The following SAMSN1 variants were observed in gnomAD, a reference collection of about 807,000 sequenced individuals.
SAMSN1 encodes SAM domain, SH3 domain and nuclear localization signals 1.
Under a neutral mutation model 42.0 loss-of-function variants are expected in SAMSN1, and 31 were observed. That is an observed-to-expected ratio of 0.74 (90% CI 0.55 to 1.00). The LOEUF (loss-of-function observed/expected upper bound fraction) is 1.00, where lower values mean the gene tolerates loss of function less well. Ranked by LOEUF, SAMSN1 falls within the 50% of genes least tolerant of loss-of-function variation. The pLI is 0.00. For missense variants in SAMSN1, 464 were observed against 439.4 expected, an observed-to-expected ratio of 1.06 and a Z score of -0.50; for synonymous variants, 178 against 151.9, an observed-to-expected ratio of 1.17 and a Z score of -1.26.
At chr21:14,576,964 A>G (rs909690242) in intron 2 of SAMSN1, among the ~76,000 whole-genome samples, 4 of 150,424 alleles carry the variant, frequency 2.7e-5, no homozygotes, top group African/African-American at 9.8e-5. Flanking sequence ...TTCACACTAT[A>G]TAAAATGGGT....
intron 5 of SAMSN1, among the ~76,000 whole-genome samples, chr21:14,502,711 C>T (rs1004574292): frequency 3.3e-5 from 5 of 152,038 alleles, no homozygotes; most frequent in African/African-American, 1.2e-4. Flanking sequence ...TTATGGGTAC[C>T]CTTTCCCCAA....
intron 1 of SAMSN1, among the ~76,000 whole-genome samples, chr21:14,654,702 G>A (rs1188103348): frequency 1.3e-5 from 2 of 151,952 alleles, no homozygotes; most frequent in Non-Finnish European, 2.9e-5. Flanking sequence ...GCTACCAATA[G>A]TTCAGTGTCT....
intron 7 of SAMSN1, among the ~76,000 whole-genome samples, chr21:14,488,382 T>C (rs1381138652): frequency 1.3e-5 from 2 of 152,178 alleles, no homozygotes; most frequent in Non-Finnish European, 2.9e-5. Flanking sequence ...CTCTGTTCTA[T>C]TTAGGTTGAT....
At chr21:14,490,328 T>C (rs1054849626) in intron 7 of SAMSN1, among the ~76,000 whole-genome samples, 1 of 152,180 alleles carries the variant, frequency 6.6e-6, no homozygotes, top group African/African-American at 2.4e-5. Flanking sequence ...ACCTCTCAGC[T>C]CCATCAATCA....
intron 1 of SAMSN1, among the ~76,000 whole-genome samples, chr21:14,529,319 G>C (rs1010692110): frequency 6.6e-6 from 1 of 152,186 alleles, no homozygotes; most frequent in Admixed American, 6.5e-5. Flanking sequence ...ATTACATGCT[G>C]TATCTCCAAT....
chr21:14,648,421 G>A (rs1401454902), intron 1 of SAMSN1, among the ~76,000 whole-genome samples: 2 of 152,096 alleles, frequency 1.3e-5, no homozygotes, highest in Non-Finnish European at 2.9e-5. Context: ...TGACAAATGG[G>A]ATCTAATTAA....
At chr21:14,561,047 G>A (rs913094018) in intron 2 of SAMSN1, among the ~76,000 whole-genome samples, 1 of 152,168 alleles carries the variant, frequency 6.6e-6, no homozygotes, top group Admixed American at 6.5e-5. Context: ...ACTGCTCAGG[G>A]GTCATGTAGC....
At chr21:14,597,746 C>T (rs1008569856) in intron 6 of SAMSN1, among the ~76,000 whole-genome samples, 2 of 152,140 alleles carry the variant, frequency 1.3e-5, no homozygotes, top group Non-Finnish European at 2.9e-5. Flanking sequence ...CAAGGATGTC[C>T]TCAGTGAATC....
At chr21:14,584,837 C>G (rs1436286725), upstream of SAMSN1, among the ~76,000 whole-genome samples, 1 of 152,136 alleles carries the variant, frequency 6.6e-6, no homozygotes, top group Non-Finnish European at 1.5e-5. Flanking sequence ...CTTTCCAATC[C>G]TTTTAAGGAG....
chr21:14,551,925 TGG>T (rs1980609251), intron 2 of SAMSN1, among the ~76,000 whole-genome samples: 1 of 152,110 alleles, frequency 6.6e-6, no homozygotes, highest in African/African-American at 2.4e-5. Context: ...AAGTAGGTCT[TGG>T]CATACCTAAA....
intron 7 of SAMSN1, among the ~76,000 whole-genome samples, chr21:14,492,246 A>G (rs960808299): frequency 6.6e-5 from 10 of 152,222 alleles, no homozygotes; most frequent in African/African-American, 2.4e-4. Flanking sequence ...CCAAAAATGT[A>G]CTTATTTACA....
At chr21:14,558,973 T>C (rs1224145896) in intron 2 of SAMSN1, among the ~76,000 whole-genome samples, 1 of 152,180 alleles carries the variant, frequency 6.6e-6, no homozygotes, top group Admixed American at 6.5e-5. Flanking sequence ...ACCCACGAGT[T>C]TTCCTGCAAA....
At chr21:14,575,056 C>T (rs949501349) in intron 2 of SAMSN1, among the ~76,000 whole-genome samples, 2 of 152,046 alleles carry the variant, frequency 1.3e-5, no homozygotes, top group Non-Finnish European at 2.9e-5. Flanking sequence ...CTCTCTTGTC[C>T]ACCCCTTCTC....
At chr21:14,568,173 T>C (rs1023473475) in intron 2 of SAMSN1, among the ~76,000 whole-genome samples, 5 of 152,210 alleles carry the variant, frequency 3.3e-5, no homozygotes, top group Non-Finnish European at 5.9e-5. Context: ...AAAACAAATA[T>C]TGGTTTTATT....
chr21:14,537,430 T>C (rs1164247893), intron 1 of SAMSN1, among the ~76,000 whole-genome samples: 1 of 152,226 alleles, frequency 6.6e-6, no homozygotes, highest in African/African-American at 2.4e-5. Flanking sequence ...ATATTACTTA[T>C]TTATCCTATT....
intron 2 of SAMSN1, among the ~76,000 whole-genome samples, chr21:14,639,981 G>A (rs1045745413): frequency 2.6e-5 from 4 of 152,174 alleles, no homozygotes; most frequent in South Asian, 4.1e-4. Flanking sequence ...AGGCATTTAC[G>A]ATGATGTATG....
chr21:14,618,710 G>A (rs1053859555), intron 2 of SAMSN1, among the ~76,000 whole-genome samples: 6 of 146,890 alleles, frequency 4.1e-5, no homozygotes, highest in Admixed American at 2.0e-4. Context: ...GCGCACGCGC[G>A]TGTGTGTGTG....
At chr21:14,634,729 G>C (rs988209306) in intron 2 of SAMSN1, among the ~76,000 whole-genome samples, 1 of 152,194 alleles carries the variant, frequency 6.6e-6, no homozygotes, top group African/African-American at 2.4e-5. Flanking sequence ...ATGTGAATCA[G>C]TTCATCCACT....
rs567502483 is a variant in SAMSN1 at position 14,642,985 on chromosome 21, G to A, written c.156+17C>T. 3.1e-5 allele frequency: 22 copies of A among 716,500 alleles called. No individual in the cohort carries two copies. In the African/African-American group the frequency reaches 3.5e-4, roughly 11 times the overall value. The allele number at this position is 716,500 out of a possible 1,614,324, so 44.4% of individuals were successfully genotyped here. A position where few individuals can be genotyped will look rare whatever the true frequency, so the allele number is the denominator to read the frequency against. ...AATAGAGAAAAAAAAATCCACTCCA[G>A]TCAATGCTTCACTCACCACGAAGAG... is the stretch of plus-strand genomic sequence containing the variant. On this transcript the variant is annotated intron_variant, in intron 2 of 15. Coordinates refer to the SAMSN1 transcript ENST00000647101.
Sources: allele counts gnomAD v4.1 joint callset (sites outside exome capture counted in the v4.1 genomes callset), GRCh38; gene constraint gnomAD v4.1.1; transcripts MANE v1.5; gene names NCBI Gene and HGNC (gene_info 2026-07-23, HGNC 2026-07-21).